Variants in FHIP1A observed in about 807,000 individuals in gnomAD.
The protein encoded by FHIP1A is FHF complex subunit HOOK-interacting protein 1A.
FHIP1A carries 61 observed loss-of-function variants against 88.6 expected under a neutral mutation model. That is an observed-to-expected ratio of 0.69 (90% CI 0.56 to 0.85). The LOEUF (loss-of-function observed/expected upper bound fraction) is 0.85. FHIP1A is among the 40% of genes least tolerant of loss of function. The pLI, the probability that FHIP1A is intolerant of heterozygous loss-of-function variation, is 0.00. For synonymous variants in FHIP1A, 478 were observed against 496.0 expected, an observed-to-expected ratio of 0.96 and a Z score of 0.48; for missense variants, 1,154 against 1,273.5, an observed-to-expected ratio of 0.91 and a Z score of 1.43.
chr4:151,450,035 A>G (rs930886514), intron 1 of FHIP1A, among the ~76,000 whole-genome samples: 14 of 152,202 alleles, frequency 9.2e-5, no homozygotes, highest in African/African-American at 3.4e-4. Flanking sequence ...TTAAAATTTT[A>G]CAAATAAGAT....
At chr4:151,444,837 G>A (rs1728534218) in intron 1 of FHIP1A, among the ~76,000 whole-genome samples, 1 of 152,120 alleles carries the variant, frequency 6.6e-6, no homozygotes, top group Non-Finnish European at 1.5e-5. Flanking sequence ...TTTTAAAAGA[G>A]GATTACAATT....
chr4:151,627,125 A>G (rs1008697516), intron 7 of FHIP1A, among the ~76,000 whole-genome samples: 1 of 152,206 alleles, frequency 6.6e-6, no homozygotes, highest in South Asian at 2.1e-4. Flanking sequence ...TAAGGTGAGT[A>G]TGATCTGTTT....
intron 10 of FHIP1A, among the ~76,000 whole-genome samples, chr4:151,648,867 G>T (rs1736891085): frequency 6.6e-6 from 1 of 152,082 alleles, no homozygotes; most frequent in Non-Finnish European, 1.5e-5. Context: ...ATCAGAGGCA[G>T]TCATGGTAAC....
intron 3 of FHIP1A, among the ~76,000 whole-genome samples, chr4:151,487,621 C>CACCATCA (rs1310484789): frequency 2.6e-5 from 4 of 152,234 alleles, no homozygotes; most frequent in Admixed American, 1.3e-4. Flanking sequence ...TAAATGGCAT[C>CACCATCA]ACCATCAACC....
intron 3 of FHIP1A, among the ~76,000 whole-genome samples, chr4:151,512,405 C>T (rs1202128550): frequency 1.3e-5 from 2 of 152,232 alleles, no homozygotes; most frequent in African/African-American, 4.8e-5. Context: ...CGCTCCTCCT[C>T]CAAAGGAACA....
At chr4:151,657,265 G>A (rs1336287641) in intron 13 of FHIP1A, among the ~76,000 whole-genome samples, 1 of 152,182 alleles carries the variant, frequency 6.6e-6, no homozygotes, top group Middle Eastern at 3.2e-3. Flanking sequence ...TGGGCAGCCT[G>A]TTCTGAGGAG....
intron 1 of FHIP1A, among the ~76,000 whole-genome samples, chr4:151,438,756 C>G (rs1164903848): frequency 4.6e-5 from 7 of 151,930 alleles, no homozygotes; most frequent in African/African-American, 1.7e-4. Flanking sequence ...ATCCTCCCAC[C>G]TCAGCCTCCC....
intron 1 of FHIP1A, among the ~76,000 whole-genome samples, chr4:151,449,031 T>C (rs574821718): frequency 6.6e-6 from 1 of 152,274 alleles, no homozygotes; most frequent in South Asian, 2.1e-4. Flanking sequence ...CAGTTTCTAA[T>C]GATACATTTT....
chr4:151,549,273 G>T (rs1430469289), intron 3 of FHIP1A, among the ~76,000 whole-genome samples: 1 of 152,086 alleles, frequency 6.6e-6, no homozygotes, highest in Admixed American at 6.6e-5. Flanking sequence ...AGAATCAAGT[G>T]GGCAAAGAGA....
At chr4:151,444,121 A>C (rs981974480) in intron 1 of FHIP1A, among the ~76,000 whole-genome samples, 1 of 150,782 alleles carries the variant, frequency 6.6e-6, no homozygotes, top group Non-Finnish European at 1.5e-5. Flanking sequence ...GTGAGCGCAT[A>C]CTCCTTACCC....
chr4:151,447,604 G>A (rs114306959), intron 1 of FHIP1A, among the ~76,000 whole-genome samples: 2 of 151,948 alleles, frequency 1.3e-5, no homozygotes, highest in Non-Finnish European at 2.9e-5. Context: ...ACATTTTATG[G>A]GCTGAATTGT....
At chr4:151,641,265 G>A (rs891418024) in intron 9 of FHIP1A, among the ~76,000 whole-genome samples, 2 of 152,196 alleles carry the variant, frequency 1.3e-5, no homozygotes, top group Admixed American at 1.3e-4. Context: ...ACAGAAGTCA[G>A]TTGGGCACAT....
chr4:151,658,333 G>A (rs4696282), intron 13 of FHIP1A, among the ~76,000 whole-genome samples: 23,155 of 152,242 alleles, frequency 0.15, 2,235 homozygotes, highest in South Asian at 0.22. Context: ...TCATCTGGGT[G>A]TTTTGCTGAT....
intron 13 of FHIP1A, 39 bp from the exon 14 acceptor site, chr4:151,662,462 T>C (rs1390133630): frequency 1.3e-6 from 2 of 1,487,750 alleles, no homozygotes; most frequent in African/African-American, 2.8e-5. Context: ...ATTAGAAGGC[T>C]ATGGAGGGAC....
chr4:151,609,905 A>G (rs1735257843), intron 7 of FHIP1A, among the ~76,000 whole-genome samples: 2 of 152,260 alleles, frequency 1.3e-5, no homozygotes, highest in African/African-American at 4.8e-5. Flanking sequence ...AAAAACCCCA[A>G]AAAACTAAAA....
chr4:151,625,223 G>T (rs1044577868), intron 7 of FHIP1A, among the ~76,000 whole-genome samples: 2 of 152,130 alleles, frequency 1.3e-5, no homozygotes, highest in African/African-American at 4.8e-5. Flanking sequence ...ACCCACTGGG[G>T]CTGATGACTC....
intron 1 of FHIP1A, among the ~76,000 whole-genome samples, chr4:151,447,728 G>A (rs1728657141): frequency 6.6e-6 from 1 of 152,122 alleles, no homozygotes; most frequent in African/African-American, 2.4e-5. Context: ...GGTCATGAGG[G>A]TGGCCCTTCA....
Position 151,650,576 on chromosome 4 carries a change from A to G in FHIP1A, c.2535A>G (p.Gln845=). The G allele has an allele frequency of 1.3e-6, 2 of 1,550,118 alleles. No homozygotes were observed. Among genetic ancestry groups the G allele is most frequent in the Non-Finnish European group, 1.7e-6 (2 of 1,146,312 alleles). ...CCAGTCGCCATCCCGTGAGGACTCA[A>G]AGCACCCCATTCACAGGTGACCATC... ...AFASRHPVRT[Q]STPFTGPFIS... Residue 845 remains glutamine (Q), a synonymous_variant, in exon 11 of 14, where the codon CAA becomes CAG. Transcript: ENST00000435205.
At chr4:151,582,207 A>G (rs544032509) in intron 5 of FHIP1A, among the ~76,000 whole-genome samples, 1 of 152,302 alleles carries the variant, frequency 6.6e-6, no homozygotes, top group South Asian at 2.1e-4. Context: ...AGTTGTATCA[A>G]ATAGTCCCTA....
Sources: gnomAD v4.1 joint callset for allele counts (sites outside exome capture counted in the v4.1 genomes callset) on GRCh38, gnomAD v4.1.1 for gene constraint, MANE v1.5 for transcripts, NCBI Gene and HGNC (gene_info 2026-07-23, HGNC 2026-07-21) for gene names.